Variants in ANTXR2 observed in about 807,000 individuals in gnomAD.
ANTXR2 encodes the protein anthrax toxin receptor 2.
In ANTXR2, 44 loss-of-function variants were observed where a neutral mutation model predicts 73.7. The observed-to-expected ratio is 0.60, with a 90% CI of 0.47 to 0.77. The LOEUF (loss-of-function observed/expected upper bound fraction) is 0.77. Ranked by LOEUF, ANTXR2 falls within the 30% of genes least tolerant of loss-of-function variation. The pLI is 0.00. For missense variants in ANTXR2, 604 were observed against 592.5 expected, an observed-to-expected ratio of 1.02 and a Z score of -0.20; for synonymous variants, 217 against 205.9, an observed-to-expected ratio of 1.05 and a Z score of -0.46.
intron 8 of ANTXR2, 45 bp downstream of exon 8, chr4:80,035,927 A>G (rs763060911): frequency 6.8e-7 from 1 of 1,468,544 alleles, no homozygotes; most frequent in Non-Finnish European, 9.2e-7. Context: ...AGCTAGGAAA[A>G]AAATACAATT....
intron 12 of ANTXR2, among the ~76,000 whole-genome samples, chr4:80,004,319 A>C (rs768938062): frequency 5.9e-5 from 9 of 152,094 alleles, no homozygotes; most frequent in Admixed American, 1.3e-4. Flanking sequence ...ACTCTGGGGA[A>C]TATCAGAAAA....
intron 16 of ANTXR2, among the ~76,000 whole-genome samples, chr4:79,944,653 G>A (rs1388333758): frequency 6.6e-6 from 1 of 152,114 alleles, no homozygotes. Flanking sequence ...GGTCTAAGCT[G>A]TAGCCCATAT....
At chr4:79,982,423 A>G (rs1578128608) in intron 14 of ANTXR2, among the ~76,000 whole-genome samples, 1 of 152,162 alleles carries the variant, frequency 6.6e-6, no homozygotes, top group Non-Finnish European at 1.5e-5. Context: ...ATGAAATCAA[A>G]TAAAAATAAG....
intron 10 of ANTXR2, among the ~76,000 whole-genome samples, chr4:80,026,868 G>A (rs1732470968): frequency 6.6e-6 from 1 of 151,920 alleles, no homozygotes; most frequent in Non-Finnish European, 1.5e-5. Flanking sequence ...ACCCCTCCAG[G>A]TGTTCATGTG....
chr4:79,947,456 TA>T (rs142293658), intron 16 of ANTXR2, among the ~76,000 whole-genome samples: 5 of 151,402 alleles, frequency 3.3e-5, no homozygotes, highest in Non-Finnish European at 5.9e-5. Context: ...CTCATAGTGT[TA>T]AAAAAAAAGT....
chr4:80,066,349 G>C (rs1001607584), intron 3 of ANTXR2, among the ~76,000 whole-genome samples: 1 of 152,098 alleles, frequency 6.6e-6, no homozygotes, highest in Non-Finnish European at 1.5e-5. Context: ...GACAAAACTG[G>C]AACTCTAGCC....
intron 4 of ANTXR2, 118 bp downstream of exon 4, chr4:80,055,814 A>G (rs1733969445): frequency 2.7e-6 from 2 of 749,318 alleles, no homozygotes; most frequent in Non-Finnish European, 4.2e-6. Context: ...AACTAAAAGC[A>G]CTTTAAAAAC....
At chr4:79,948,319 C>T (rs1728585856) in intron 16 of ANTXR2, among the ~76,000 whole-genome samples, 1 of 151,980 alleles carries the variant, frequency 6.6e-6, no homozygotes, top group Non-Finnish European at 1.5e-5. Context: ...TCAATCAAAA[C>T]CAATAAGCAC....
intron 16 of ANTXR2, among the ~76,000 whole-genome samples, chr4:79,976,741 C>T (rs967099773): frequency 6.6e-5 from 10 of 152,150 alleles, no homozygotes; most frequent in African/African-American, 2.2e-4. Flanking sequence ...GAATTCTTTT[C>T]TGGATGAAGC....
chr4:79,979,313 G>T (rs1237819097), intron 14 of ANTXR2, among the ~76,000 whole-genome samples: 1 of 151,986 alleles, frequency 6.6e-6, no homozygotes, highest in Non-Finnish European at 1.5e-5. Context: ...ACCAAAAATG[G>T]GCGAGGTCAG....
At chr4:80,002,092 G>C (rs574794186) in intron 12 of ANTXR2, among the ~76,000 whole-genome samples, 3 of 152,130 alleles carry the variant, frequency 2.0e-5, no homozygotes, top group Non-Finnish European at 4.4e-5. Flanking sequence ...AAAAGAGCCC[G>C]CATCACCAAG....
chr4:80,015,612 G>A (rs1274242778), intron 11 of ANTXR2, among the ~76,000 whole-genome samples: 2 of 151,486 alleles, frequency 1.3e-5, no homozygotes, highest in Non-Finnish European at 2.9e-5. Flanking sequence ...CAGACCTTGT[G>A]ATTTCTCAAG....
intron 10 of ANTXR2, among the ~76,000 whole-genome samples, chr4:80,031,286 GTGCA>G (rs1732680292): frequency 6.6e-6 from 1 of 151,202 alleles, no homozygotes; most frequent in Non-Finnish European, 1.5e-5. Context: ...GTGTGTGCGT[GTGCA>G]TGTGTGTGTG....
At chr4:80,012,638 G>A (rs543166601) in intron 11 of ANTXR2, among the ~76,000 whole-genome samples, 81 of 152,274 alleles carry the variant, frequency 5.3e-4, no homozygotes, top group Non-Finnish European at 8.2e-4. Context: ...GAAGTGTTCA[G>A]TCAGGGGGTG....
chr4:79,974,339 C>A (rs919179605), intron 16 of ANTXR2, among the ~76,000 whole-genome samples: 1 of 152,058 alleles, frequency 6.6e-6, no homozygotes, highest in South Asian at 2.1e-4. Flanking sequence ...ATGAAAAAAA[C>A]AAATCAATTA....
chr4:79,987,998 C>T (rs1392674312), intron 12 of ANTXR2, among the ~76,000 whole-genome samples: 3 of 151,738 alleles, frequency 2.0e-5, no homozygotes, highest in South Asian at 4.2e-4. Context: ...AGACCTGCCA[C>T]CACAAAAACA....
chr4:80,031,249 G>C (rs1026511804), intron 10 of ANTXR2, among the ~76,000 whole-genome samples: 1 of 151,372 alleles, frequency 6.6e-6, no homozygotes, highest in East Asian at 2.0e-4. Context: ...TCTCACTTTT[G>C]AACTGGGTGT....
chr4:79,918,086 T>G (rs1727425037), intron 16 of ANTXR2, among the ~76,000 whole-genome samples: 1 of 151,850 alleles, frequency 6.6e-6, no homozygotes, highest in Admixed American at 6.6e-5. Flanking sequence ...AAAAATGTAT[T>G]TGATTGGTGT....
intron 16 of ANTXR2, among the ~76,000 whole-genome samples, chr4:79,956,880 C>G (rs978216431): frequency 3.3e-5 from 5 of 152,052 alleles, no homozygotes; most frequent in Non-Finnish European, 7.4e-5. Context: ...AGAAAAATAG[C>G]TGAAGCCAAT....
Sources: gnomAD v4.1 joint callset for allele counts (sites outside exome capture counted in the v4.1 genomes callset) on GRCh38, gnomAD v4.1.1 for gene constraint, MANE v1.5 for transcripts, NCBI Gene and HGNC (gene_info 2026-07-23, HGNC 2026-07-21) for gene names.